The following NTRK3 variants were observed in gnomAD, a reference collection of about 807,000 sequenced individuals.
NTRK3 encodes neurotrophic receptor tyrosine kinase 3.
Under a neutral mutation model 91.7 loss-of-function variants are expected in NTRK3, and 24 were observed. The observed-to-expected ratio is 0.26, with a 90% confidence interval of 0.19 to 0.37. NTRK3 has a LOEUF of 0.37. NTRK3 is among the 10% of genes least tolerant of loss of function. The pLI, the probability that NTRK3 is intolerant of heterozygous loss-of-function variation, is 1.00. For synonymous variants in NTRK3, 483 were observed against 404.0 expected (o/e 1.20, Z -2.34); for missense variants, 880 against 1,068.9 (o/e 0.82, Z 2.46).
chr15:87,915,376 T>A (rs372758844), intron 17 of NTRK3, among the ~76,000 whole-genome samples: 1 of 152,214 alleles, frequency 6.6e-6, no homozygotes, highest in East Asian at 1.9e-4. Flanking sequence ...TAAGGACATC[T>A]GGAGAAGGAG....
At chr15:88,113,266 A>G (rs1597386156) in intron 13 of NTRK3, among the ~76,000 whole-genome samples, 1 of 151,676 alleles carries the variant, frequency 6.6e-6, no homozygotes, top group Non-Finnish European at 1.5e-5. Context: ...TGCTTCTTCA[A>G]ATAGAAGGAG....
At chr15:88,066,405 T>C (rs574006588) in intron 13 of NTRK3, among the ~76,000 whole-genome samples, 9 of 152,170 alleles carry the variant, frequency 5.9e-5, no homozygotes, top group Non-Finnish European at 1.0e-4. Context: ...TACTCAGTTG[T>C]TTCAATAAAG....
chr15:88,036,605 G>T (rs557614044), intron 13 of NTRK3, among the ~76,000 whole-genome samples: 2 of 152,170 alleles, frequency 1.3e-5, no homozygotes, highest in South Asian at 4.1e-4. Context: ...GTCTCAAGCC[G>T]CAGGGCTGCG....
chr15:88,024,535 T>A (rs573251731), intron 14 of NTRK3, among the ~76,000 whole-genome samples: 1 of 151,320 alleles, frequency 6.6e-6, no homozygotes, highest in African/African-American at 2.4e-5. Context: ...GTCATGAGAG[T>A]GAGGGGCCAA....
exon 19 of NTRK3, chr15:87,876,939 C>T (rs1265589434): frequency 1.2e-6 from 2 of 1,613,768 alleles, no homozygotes; most frequent in African/African-American, 1.3e-5. Flanking sequence ...CCACCACTAG[C>T]CAAGAATGTC....
At chr15:88,206,904 C>T (rs2048842040) in intron 3 of NTRK3, among the ~76,000 whole-genome samples, 1 of 152,194 alleles carries the variant, frequency 6.6e-6, no homozygotes, top group Non-Finnish European at 1.5e-5. Flanking sequence ...TCCCCAGACA[C>T]ACCATTGCCC....
chr15:88,036,963 T>C (rs1482283917), intron 13 of NTRK3, among the ~76,000 whole-genome samples: 1 of 152,204 alleles, frequency 6.6e-6, no homozygotes, highest in East Asian at 1.9e-4. Context: ...AGTCCATAGA[T>C]AGCAAGTAGT....
chr15:88,206,512 G>T (rs1482825565), intron 3 of NTRK3, among the ~76,000 whole-genome samples: 2 of 149,972 alleles, frequency 1.3e-5, no homozygotes, highest in Admixed American at 6.6e-5. Context: ...CAAAAAATTA[G>T]CCGGGCGCGG....
chr15:87,908,034 G>A (rs1419544121), intron 17 of NTRK3, among the ~76,000 whole-genome samples: 1 of 152,032 alleles, frequency 6.6e-6, no homozygotes, highest in Non-Finnish European at 1.5e-5. Flanking sequence ...GTGCAATTAG[G>A]GCATTCTTAT....
At chr15:88,099,159 G>C (rs997596750) in intron 13 of NTRK3, 1 of 230,850 alleles carries the variant, frequency 4.3e-6, no homozygotes, top group Non-Finnish European at 8.6e-6. Flanking sequence ...GCTGTGAGAG[G>C]CTCCAGGGAG....
At chr15:87,979,523 C>T in intron 14 of NTRK3, 2 of 1,180,846 alleles carry the variant, frequency 1.7e-6, no homozygotes, top group Non-Finnish European at 2.5e-6. Flanking sequence ...AAACCAAAAC[C>T]CCCAAAGAAG....
intron 13 of NTRK3, among the ~76,000 whole-genome samples, chr15:88,055,155 C>T (rs1011338146): frequency 6.6e-6 from 1 of 152,158 alleles, no homozygotes; most frequent in Non-Finnish European, 1.5e-5. Context: ...GTGGTAGACC[C>T]CCATGGCCTC....
At chr15:87,860,328 T>TA (rs951873778) in exon 19 of NTRK3, 7 of 215,020 alleles carry the variant, frequency 3.3e-5, no homozygotes, top group East Asian at 6.8e-5. Flanking sequence ...TAATACAATT[T>TA]AAAAAAATAA....
chr15:87,926,469 G>A (rs771093444), intron 17 of NTRK3, among the ~76,000 whole-genome samples: 19 of 152,200 alleles, frequency 1.2e-4, no homozygotes, highest in East Asian at 3.9e-4. Context: ...GGCTAACATC[G>A]CCCTTAGAAC....
intron 3 of NTRK3, among the ~76,000 whole-genome samples, chr15:88,186,063 G>A (rs945930830): frequency 3.3e-5 from 5 of 152,280 alleles, no homozygotes; most frequent in African/African-American, 1.2e-4. Context: ...CAACATTTCA[G>A]ATGAAAAGAA....
At chr15:88,126,700 C>T (rs2053323541) in intron 12 of NTRK3, among the ~76,000 whole-genome samples, 1 of 152,202 alleles carries the variant, frequency 6.6e-6, no homozygotes, top group African/African-American at 2.4e-5. Context: ...AATTCTGCAT[C>T]TTCATGTTAA....
intron 14 of NTRK3, among the ~76,000 whole-genome samples, chr15:87,964,568 T>A (rs2072616294): frequency 6.6e-6 from 1 of 152,168 alleles, no homozygotes; most frequent in Admixed American, 6.6e-5. Flanking sequence ...ATCTACTGAA[T>A]GGTATAATCA....
At chr15:87,974,130 C>G (rs1045381991) in intron 14 of NTRK3, among the ~76,000 whole-genome samples, 3 of 152,156 alleles carry the variant, frequency 2.0e-5, no homozygotes, top group African/African-American at 7.2e-5. Flanking sequence ...CCTGAGGGAA[C>G]TGGGACGAGC....
intron 16 of NTRK3, among the ~76,000 whole-genome samples, chr15:87,932,684 G>T (rs1036222927): frequency 1.3e-5 from 2 of 152,154 alleles, no homozygotes; most frequent in Non-Finnish European, 2.9e-5. Context: ...AGAGAAGGGT[G>T]GCCCTAGAAT....
Sources: gnomAD v4.1 joint callset for allele counts (sites outside exome capture counted in the v4.1 genomes callset) on GRCh38, gnomAD v4.1.1 for gene constraint, MANE v1.5 for transcripts, NCBI Gene and HGNC (gene_info 2026-07-23, HGNC 2026-07-21) for gene names.